EPCAM: variants seen among roughly 807,000 people sequenced by gnomAD.
EPCAM encodes the protein epithelial cell adhesion molecule, also known as adenocarcinoma-associated antigen.
Under a neutral mutation model 40.0 loss-of-function variants are expected in EPCAM, and 39 were observed. The ratio of observed to expected loss-of-function variants is 0.98; its 90% CI spans 0.76 to 1.27. The LOEUF is 1.27. Ranked by LOEUF, EPCAM falls within the 50% of genes most tolerant of loss-of-function variation. EPCAM has a pLI of 0.00. For missense variants in EPCAM, 503 were observed against 381.2 expected (o/e 1.32, Z -2.66); for synonymous variants, 168 against 132.3 (o/e 1.27, Z -1.85).
chr2:47,371,020 G>C (rs1270728713), intron 1 of EPCAM, among the ~76,000 whole-genome samples: 1 of 151,600 alleles, frequency 6.6e-6, no homozygotes, highest in East Asian at 1.9e-4. Flanking sequence ...CCGAATATTT[G>C]TATTTGTAGA....
chr2:47,369,317 C>T lies in EPCAM; in HGVS notation c.-189C>T. ...GCTCCGCCCCGCCGCGCGCACAGAG[C>T]GCTAGTCCTTCGGCGAGCGAGCACC... On this transcript the variant is annotated 5_prime_UTR_variant, in exon 1 of 9. Coordinates refer to ENST00000263735, the MANE Select transcript of EPCAM (RefSeq NM_002354.3). 7.4e-7 allele frequency: 1 copy of T among 1,350,876 alleles called. No individual in the cohort carries two copies. 83.7% of individuals were successfully genotyped at this position (1,350,876 alleles called of 1,614,324 possible). A position where few individuals can be genotyped will look rare whatever the true frequency, so the allele number is the denominator to read the frequency against.
intron 2 of EPCAM, 104 bp downstream of exon 2, chr2:47,373,674 C>T (rs2103746416): frequency 1.4e-6 from 2 of 1,444,176 alleles, no homozygotes; most frequent in South Asian, 2.4e-5. Flanking sequence ...AAATCTGAAT[C>T]ATGTTACAAA....
Sources: allele counts gnomAD v4.1 joint callset (sites outside exome capture counted in the v4.1 genomes callset), GRCh38; gene constraint gnomAD v4.1.1; transcripts MANE v1.5; gene names NCBI Gene and HGNC (gene_info 2026-07-23, HGNC 2026-07-21).